Variants in SULF1 observed in about 807,000 individuals in gnomAD.
SULF1 encodes extracellular sulfatase Sulf-1.
In SULF1, 46 loss-of-function variants were observed where a neutral mutation model predicts 110.5. The observed-to-expected ratio is 0.42, with a 90% confidence interval of 0.33 to 0.53. The LOEUF is 0.53. Ranked by LOEUF, SULF1 falls within the 20% of genes least tolerant of loss-of-function variation. The pLI is 0.12. For synonymous variants in SULF1, 371 were observed against 387.1 expected, an observed-to-expected ratio of 0.96 and a Z score of 0.49; for missense variants, 941 against 1,094.2, an observed-to-expected ratio of 0.86 and a Z score of 1.98.
At chr8:69,586,724 A>T (rs1452315747) in intron 7 of SULF1, among the ~76,000 whole-genome samples, 1 of 152,184 alleles carries the variant, frequency 6.6e-6, no homozygotes, top group East Asian at 1.9e-4. Flanking sequence ...ATGAAAGGCA[A>T]TCAGGCTTTG....
intron 3 of SULF1, among the ~76,000 whole-genome samples, chr8:69,539,955 T>G (rs1278881158): frequency 6.6e-6 from 1 of 152,026 alleles, no homozygotes; most frequent in African/African-American, 2.4e-5. Context: ...CTGGGTGAAT[T>G]TAAGGGTAAT....
intron 19 of SULF1, among the ~76,000 whole-genome samples, chr8:69,631,279 A>G (rs1224939130): frequency 6.6e-6 from 1 of 152,162 alleles, no homozygotes; most frequent in Admixed American, 6.5e-5. Context: ...TCATACCTCT[A>G]TCTGCTTTTT....
At chr8:69,486,123 A>G (rs1809696074) in intron 1 of SULF1, among the ~76,000 whole-genome samples, 4 of 151,732 alleles carry the variant, frequency 2.6e-5, no homozygotes, top group Admixed American at 2.6e-4. Flanking sequence ...TGGAAAGGGC[A>G]TATGCTTTTT....
intron 6 of SULF1, among the ~76,000 whole-genome samples, chr8:69,581,714 A>G (rs1806074667): frequency 6.6e-6 from 1 of 152,248 alleles, no homozygotes; most frequent in South Asian, 2.1e-4. Flanking sequence ...AAGAGATTTA[A>G]TACATCTGGA....
intron 3 of SULF1, among the ~76,000 whole-genome samples, chr8:69,515,469 C>T (rs1483824410): frequency 1.3e-5 from 2 of 152,140 alleles, no homozygotes; most frequent in African/African-American, 4.8e-5. Context: ...ACCATTTTTT[C>T]CTCCTAGGTC....
chr8:69,471,457 C>T (rs1358275868), intron 1 of SULF1, among the ~76,000 whole-genome samples: 3 of 151,712 alleles, frequency 2.0e-5, no homozygotes, highest in South Asian at 2.1e-4. Context: ...AAGGAAAATG[C>T]CCCTAAGGCA....
chr8:69,489,706 A>G (rs1189267644), upstream of SULF1, among the ~76,000 whole-genome samples: 3 of 150,408 alleles, frequency 2.0e-5, no homozygotes, highest in East Asian at 6.0e-4. Flanking sequence ...CCTCCCAAGT[A>G]GCTGGGACTA....
At chr8:69,489,272 A>G (rs997697908), upstream of SULF1, among the ~76,000 whole-genome samples, 19 of 152,152 alleles carry the variant, frequency 1.2e-4, no homozygotes, top group African/African-American at 4.6e-4. Flanking sequence ...TTTTGACTAG[A>G]TTGATAAAAT....
intron 3 of SULF1, among the ~76,000 whole-genome samples, chr8:69,517,560 A>G (rs1162890273): frequency 6.6e-6 from 1 of 152,164 alleles, no homozygotes; most frequent in Non-Finnish European, 1.5e-5. Flanking sequence ...TTTATCATTT[A>G]AAAGGCAGGT....
At chr8:69,622,628 C>G (rs1484267869) in intron 14 of SULF1, among the ~76,000 whole-genome samples, 2 of 152,026 alleles carry the variant, frequency 1.3e-5, no homozygotes, top group East Asian at 1.9e-4. Context: ...CCAGCATGCT[C>G]TTTTTTCAGA....
intron 19 of SULF1, among the ~76,000 whole-genome samples, chr8:69,630,206 G>A (rs1810409785): frequency 6.6e-6 from 1 of 152,186 alleles, no homozygotes; most frequent in Admixed American, 6.5e-5. Context: ...GTTTTACATT[G>A]AACTGCTAAG....
intron 1 of SULF1, among the ~76,000 whole-genome samples, chr8:69,474,874 A>G (rs1809236344): frequency 6.6e-6 from 1 of 152,212 alleles, no homozygotes; most frequent in African/African-American, 2.4e-5. Flanking sequence ...TTAACACAGA[A>G]TATAGAACAG....
At chr8:69,485,283 A>G (rs1013533666) in intron 1 of SULF1, among the ~76,000 whole-genome samples, 4 of 152,192 alleles carry the variant, frequency 2.6e-5, no homozygotes, top group Admixed American at 6.5e-5. Context: ...TAATAGCATC[A>G]TTGTTCTACC....
Position 69,499,153 on chromosome 8 carries a change from C to T in SULF1, c.-228-2721C>T, listed in dbSNP as rs185330309. 2.6e-5 allele frequency among the ~76,000 whole-genome samples: 4 copies of T among 152,274 alleles called. No individual in the cohort carries two copies. The East Asian group carries it at 5.8e-4, about 22-fold the overall frequency. On this transcript the variant is annotated intron_variant, in intron 2 of 22. Coordinates refer to ENST00000402687, the MANE Select transcript of SULF1 (RefSeq NM_001128205.2). ...GGATTACAGGCATGAGCCACTGCAA[C>T]GGGTCCCAGACTTACATTATTATCT...
intron 1 of SULF1, among the ~76,000 whole-genome samples, chr8:69,472,970 A>T (rs1034345914): frequency 1.3e-5 from 2 of 151,992 alleles, no homozygotes; most frequent in African/African-American, 4.8e-5. Context: ...ATGAGTAGCT[A>T]GGATTGCCAG....
intron 13 of SULF1, among the ~76,000 whole-genome samples, chr8:69,607,571 C>T (rs991782413): frequency 6.6e-6 from 1 of 152,086 alleles, no homozygotes; most frequent in East Asian, 1.9e-4. Flanking sequence ...GCCATGTTGC[C>T]CAGGCTGATC....
intron 1 of SULF1, among the ~76,000 whole-genome samples, chr8:69,470,666 A>G (rs1029381133): frequency 2.0e-5 from 3 of 152,150 alleles, no homozygotes; most frequent in African/African-American, 7.2e-5. Context: ...CTACTACTGC[A>G]GACTCAGCTT....
chr8:69,596,771 G>C (rs537608026), intron 8 of SULF1, among the ~76,000 whole-genome samples: 1 of 152,240 alleles, frequency 6.6e-6, no homozygotes, highest in African/African-American at 2.4e-5. Flanking sequence ...AATGTGCCCT[G>C]CTGAGTCCTC....
intron 3 of SULF1, among the ~76,000 whole-genome samples, chr8:69,558,520 A>G (rs1288404313): frequency 6.6e-6 from 1 of 152,206 alleles, no homozygotes; most frequent in East Asian, 1.9e-4. Flanking sequence ...ATGGGCATTC[A>G]TTTGTAAAAT....
Sources: allele counts gnomAD v4.1 joint callset (sites outside exome capture counted in the v4.1 genomes callset), GRCh38; gene constraint gnomAD v4.1.1; transcripts MANE v1.5; gene names NCBI Gene and HGNC (gene_info 2026-07-23, HGNC 2026-07-21).